The following RGL1 variants were observed in gnomAD, a reference collection of about 807,000 sequenced individuals.
RGL1 encodes ral guanine nucleotide dissociation stimulator-like 1.
Under a neutral mutation model 95.2 loss-of-function variants are expected in RGL1, and 24 were observed. That is an observed-to-expected ratio of 0.25 (90% CI 0.18 to 0.35). The LOEUF (loss-of-function observed/expected upper bound fraction) is 0.35, where lower values mean the gene tolerates loss of function less well. Ranked by LOEUF, RGL1 falls within the 10% of genes least tolerant of loss-of-function variation. The pLI, the probability that RGL1 is intolerant of heterozygous loss-of-function variation, is 1.00. For synonymous variants in RGL1, 329 were observed against 344.9 expected, an observed-to-expected ratio of 0.95 and a Z score of 0.51; for missense variants, 715 against 936.3, an observed-to-expected ratio of 0.76 and a Z score of 3.08.
chr1:183,677,444 T>C (rs1452586278), intron 1 of RGL1, among the ~76,000 whole-genome samples: 1 of 152,148 alleles, frequency 6.6e-6, no homozygotes, highest in Non-Finnish European at 1.5e-5. Context: ...TTACCTGGGT[T>C]TAATTTGCCC....
chr1:183,655,043 TTCTTC>T (rs904824115), intron 1 of RGL1, among the ~76,000 whole-genome samples: 1 of 152,236 alleles, frequency 6.6e-6, no homozygotes, highest in African/African-American at 2.4e-5. Flanking sequence ...ACAGACTCCT[TTCTTC>T]TCTTTTCTGT....
At chr1:183,752,148 T>A (rs182230367) in intron 2 of RGL1, among the ~76,000 whole-genome samples, 13 of 152,334 alleles carry the variant, frequency 8.5e-5, no homozygotes, top group African/African-American at 3.1e-4. Context: ...AAAATGGTGG[T>A]ACCAATTTAT....
intron 2 of RGL1, among the ~76,000 whole-genome samples, chr1:183,764,985 C>T (rs1658890995): frequency 6.6e-6 from 1 of 152,202 alleles, no homozygotes; most frequent in Non-Finnish European, 1.5e-5. Flanking sequence ...CTCCAAAGGC[C>T]TCTCAAGCCT....
At chr1:183,746,325 C>T (rs1657623505) in intron 2 of RGL1, among the ~76,000 whole-genome samples, 1 of 152,046 alleles carries the variant, frequency 6.6e-6, no homozygotes, top group African/African-American at 2.4e-5. Context: ...TATACACACA[C>T]ACACATGCAC....
At chr1:183,742,051 T>C in intron 1 of RGL1, 1 of 1,221,888 alleles carries the variant, frequency 8.2e-7, no homozygotes, top group Non-Finnish European at 1.2e-6. Flanking sequence ...AAGTCAAGCA[T>C]GATAATTTGC....
At chr1:183,840,762 C>T (rs571483544) in intron 2 of RGL1, among the ~76,000 whole-genome samples, 6 of 151,928 alleles carry the variant, frequency 3.9e-5, no homozygotes, top group South Asian at 2.1e-4. Context: ...TGGGGTGGTG[C>T]GTGCCTGTAG....
At chr1:183,658,557 AG>A (rs1248089258) in intron 1 of RGL1, among the ~76,000 whole-genome samples, 3 of 152,176 alleles carry the variant, frequency 2.0e-5, no homozygotes, top group Non-Finnish European at 4.4e-5. Flanking sequence ...GCAGCCTGGA[AG>A]CTGGAACTGG....
chr1:183,874,075 G>A (rs558589928), intron 4 of RGL1, among the ~76,000 whole-genome samples: 12 of 152,274 alleles, frequency 7.9e-5, no homozygotes, highest in South Asian at 2.1e-4. Flanking sequence ...GGTGACTGGC[G>A]ATGTCCTTTT....
chr1:183,660,905 A>C (rs556172498), intron 1 of RGL1, among the ~76,000 whole-genome samples: 78 of 152,138 alleles, frequency 5.1e-4, no homozygotes, highest in African/African-American at 1.8e-3. Flanking sequence ...TAAGAAACTC[A>C]CTCAAAACCG....
chr1:183,801,942 A>G (rs963877715), upstream of RGL1, among the ~76,000 whole-genome samples: 1 of 152,208 alleles, frequency 6.6e-6, no homozygotes, highest in Admixed American at 6.5e-5. Flanking sequence ...TCCATGATCC[A>G]GACACCTCCC....
intron 2 of RGL1, among the ~76,000 whole-genome samples, chr1:183,747,382 A>G (rs1016722209): frequency 1.3e-5 from 2 of 151,638 alleles, no homozygotes; most frequent in Admixed American, 1.3e-4. Flanking sequence ...ATTGTATACA[A>G]TGACCCCTGA....
chr1:183,734,127 A>G (rs1311547332), intron 1 of RGL1, among the ~76,000 whole-genome samples: 1 of 152,232 alleles, frequency 6.6e-6, no homozygotes, highest in Admixed American at 6.5e-5. Context: ...GCTAGTTAAA[A>G]TGATTTTGTG....
intron 9 of RGL1, among the ~76,000 whole-genome samples, chr1:183,896,577 T>G (rs1271625935): frequency 1.3e-5 from 2 of 152,204 alleles, no homozygotes; most frequent in African/African-American, 4.8e-5. Flanking sequence ...CTTTTGTGGT[T>G]GTACAGTAGT....
At chr1:183,793,961 G>A (rs988229441) in intron 2 of RGL1, among the ~76,000 whole-genome samples, 1 of 151,798 alleles carries the variant, frequency 6.6e-6, no homozygotes, top group Non-Finnish European at 1.5e-5. Flanking sequence ...AGGGCTACCT[G>A]GACCTCCATG....
intron 1 of RGL1, among the ~76,000 whole-genome samples, chr1:183,707,376 T>C (rs763453420): frequency 6.6e-6 from 1 of 152,194 alleles, no homozygotes. Context: ...GAGTCTTTTG[T>C]TAATTTGAGA....
At chr1:183,748,234 G>C (rs1245102361) in intron 2 of RGL1, among the ~76,000 whole-genome samples, 1 of 151,634 alleles carries the variant, frequency 6.6e-6, no homozygotes, top group African/African-American at 2.4e-5. Context: ...TTATTAGTCT[G>C]GCTAGTGGTC....
chr1:183,648,910 C>A, intron 1 of RGL1: 1 of 731,594 alleles, frequency 1.4e-6, no homozygotes. Context: ...GGAAGTAGCA[C>A]AATAAAGATA....
At chr1:183,688,251 G>A (rs988186659) in intron 1 of RGL1, among the ~76,000 whole-genome samples, 1 of 152,184 alleles carries the variant, frequency 6.6e-6, no homozygotes. Flanking sequence ...CTACAAAGAT[G>A]CCAAGATCTG....
intron 1 of RGL1, among the ~76,000 whole-genome samples, chr1:183,722,524 A>G (rs1463893110): frequency 6.6e-6 from 1 of 152,210 alleles, no homozygotes; most frequent in Non-Finnish European, 1.5e-5. Context: ...AACCACACCA[A>G]GAACTTCATT....
Sources: allele counts gnomAD v4.1 joint callset (sites outside exome capture counted in the v4.1 genomes callset), GRCh38; gene constraint gnomAD v4.1.1; transcripts MANE v1.5; gene names NCBI Gene and HGNC (gene_info 2026-07-23, HGNC 2026-07-21).